ADAMTS6: variants seen among roughly 807,000 people sequenced by gnomAD.
The protein encoded by ADAMTS6 is A disintegrin and metalloproteinase with thrombospondin motifs 6.
In ADAMTS6, 23 loss-of-function variants were observed where a neutral mutation model predicts 144.3. The ratio of observed to expected loss-of-function variants is 0.16; its 90% CI spans 0.11 to 0.23. The LOEUF (loss-of-function observed/expected upper bound fraction) is 0.23, where lower values mean the gene tolerates loss of function less well. ADAMTS6 is among the 10% of genes least tolerant of loss of function. The probability of loss-of-function intolerance (pLI) is 1.00; values close to 1 mark genes in which losing one functional copy is unlikely to be tolerated. For synonymous variants in ADAMTS6, 444 were observed against 457.5 expected, an observed-to-expected ratio of 0.97 and a Z score of 0.38; for missense variants, 999 against 1,379.6, an observed-to-expected ratio of 0.72 and a Z score of 4.37.
chr5:65,357,355 T>C (rs1003821471), intron 7 of ADAMTS6, among the ~76,000 whole-genome samples: 2 of 151,642 alleles, frequency 1.3e-5, no homozygotes, highest in African/African-American at 4.8e-5. Flanking sequence ...ACTTATGGGA[T>C]GCACACTCTT....
chr5:65,267,281 A>T (rs1292893781), intron 12 of ADAMTS6, among the ~76,000 whole-genome samples: 1 of 152,076 alleles, frequency 6.6e-6, no homozygotes, highest in African/African-American at 2.4e-5. Context: ...GTGATTTTGG[A>T]CTATTCTAAA....
At chr5:65,309,488 G>A (rs1259170795) in intron 9 of ADAMTS6, among the ~76,000 whole-genome samples, 2 of 151,388 alleles carry the variant, frequency 1.3e-5, no homozygotes, top group East Asian at 2.0e-4. Flanking sequence ...GGGCAAAGGG[G>A]GCAGCTGTAA....
At position 65,302,092 on chromosome 5, in the gene ADAMTS6, CAAAAAAAA is replaced by C. The variant is rs1182825165; in HGVS notation, c.1224-1969_1224-1962del. On this transcript the variant is annotated intron_variant, in intron 9 of 24. Coordinates refer to ENST00000381055, the MANE Select transcript of ADAMTS6 (RefSeq NM_197941.4). ...GGGTAACAGAGCAAGGCTCTGTCTC[CAAAAAAAA>C]AAAAAAAATATATATATATATATAT... Among the ~76,000 whole-genome samples, 46 of 19,946 alleles carry C rather than the reference CAAAAAAAA, an allele frequency of 2.3e-3. 1 individual carries two copies. The highest frequency in any genetic ancestry group is 6.9e-3 in the African/African-American group (39 of 5,650). The allele number at this position is 19,946 out of a possible 152,430, so 13.1% of individuals were successfully genotyped here. A position where few individuals can be genotyped will look rare whatever the true frequency, so the allele number is the denominator to read the frequency against.
At chr5:65,275,089 C>T (rs1762353284) in intron 11 of ADAMTS6, among the ~76,000 whole-genome samples, 1 of 151,498 alleles carries the variant, frequency 6.6e-6, no homozygotes, top group South Asian at 2.1e-4. Context: ...GGCGCAGTGG[C>T]TGATGCCTGT....
At chr5:65,424,520 T>C (rs1756340769) in intron 7 of ADAMTS6, among the ~76,000 whole-genome samples, 1 of 152,202 alleles carries the variant, frequency 6.6e-6, no homozygotes, top group Non-Finnish European at 1.5e-5. Context: ...AGTAAATGGA[T>C]TGTACCTTTA....
intron 14 of ADAMTS6, among the ~76,000 whole-genome samples, chr5:65,249,152 A>G (rs1390908014): frequency 1.3e-5 from 2 of 152,062 alleles, no homozygotes; most frequent in African/African-American, 2.4e-5. Flanking sequence ...TTGCCTCTCT[A>G]AAAGTGATAA....
Position 65,391,830 on chromosome 5 carries a change from GATTCAAGCA to G in ADAMTS6, c.1074-57754_1074-57746del, listed in dbSNP as rs1752946119. ...GGCTCACTGCAACATCTGCCTCCCG[GATTCAAGCA>G]ATTCCCATGCCTCAGCCTCCCAAGT... On this transcript the variant is annotated intron_variant, in intron 7 of 24. Coordinates refer to ENST00000381055, the MANE Select transcript of ADAMTS6 (RefSeq NM_197941.4). Among the ~76,000 whole-genome samples the G allele has an allele frequency of 2.0e-5, 3 of 151,744 alleles. No individual in the cohort carries two copies. In the South Asian group the frequency reaches 6.3e-4, roughly 32 times the overall value.
intron 2 of ADAMTS6, among the ~76,000 whole-genome samples, chr5:65,472,365 G>T (rs1760521061): frequency 6.6e-6 from 1 of 151,956 alleles, no homozygotes; most frequent in Non-Finnish European, 1.5e-5. Flanking sequence ...TGATTATGTT[G>T]GCGATGACAC....
At position 65,452,760 on chromosome 5, in the gene ADAMTS6, C is replaced by G. The variant is rs143380335; in HGVS notation, c.790G>C (p.Gly264Arg). Reference protein sequence around the residue: ...TLVVADKMMVGYHGRKDIEHY... With the variant: ...TLVVADKMMVRYHGRKDIEHY... ...TCAATGTCTTTGCGGCCATGGTAGCCCACCATCATTTTGTCTGCCACTACC... is the reference window on the plus strand; with the variant it reads ...TCAATGTCTTTGCGGCCATGGTAGCGCACCATCATTTTGTCTGCCACTACC... The change falls in exon 5 of 25, where the codon GGC becomes CGC. Residue 264 changes from glycine (G) to arginine (R), a missense_variant. Transcript: ENST00000381055. The G allele has an allele frequency of 6.1e-5, 99 of 1,614,052 alleles. No individual in the cohort carries two copies. In the African/African-American group the frequency reaches 7.6e-4, roughly 12 times the overall value.
chr5:65,239,591 T>C (rs1758990991), intron 15 of ADAMTS6, among the ~76,000 whole-genome samples: 1 of 151,916 alleles, frequency 6.6e-6, no homozygotes, highest in South Asian at 2.1e-4. Flanking sequence ...CTTATATGGA[T>C]AAAAACACCA....
intron 14 of ADAMTS6, among the ~76,000 whole-genome samples, chr5:65,258,880 T>C (rs550863154): frequency 1.3e-5 from 2 of 152,258 alleles, no homozygotes; most frequent in African/African-American, 2.4e-5. Context: ...AAATATAAGA[T>C]ATGAACCTGG....
intron 20 of ADAMTS6, among the ~76,000 whole-genome samples, chr5:65,205,048 T>C (rs1310432048): frequency 6.6e-6 from 1 of 152,166 alleles, no homozygotes; most frequent in Admixed American, 6.5e-5. Flanking sequence ...GATAAGCACA[T>C]TTAGTTATAA....
chr5:65,328,441 A>G (rs1746389895), intron 9 of ADAMTS6, among the ~76,000 whole-genome samples: 1 of 152,148 alleles, frequency 6.6e-6, no homozygotes, highest in African/African-American at 2.4e-5. Context: ...ATGCTTGACT[A>G]ACATTTTAAA....
chr5:65,250,600 C>T (rs1760073717), intron 14 of ADAMTS6, among the ~76,000 whole-genome samples: 1 of 152,144 alleles, frequency 6.6e-6, no homozygotes, highest in Non-Finnish European at 1.5e-5. Context: ...ATTTTTATAG[C>T]TTTTATGCAT....
intron 11 of ADAMTS6, among the ~76,000 whole-genome samples, chr5:65,287,809 C>T (rs188985573): frequency 8.5e-5 from 13 of 152,204 alleles, no homozygotes; most frequent in South Asian, 2.1e-4. Flanking sequence ...GGATTACAGG[C>T]GTGAGCCACC....
chr5:65,309,123 G>A lies in ADAMTS6; in HGVS notation c.1224-8992C>T, dbSNP rs549386098. Reference sequence around the variant, plus strand: ...CACAGACCAGGGTGGGGTTGGTGGCGGGGGGGTGGTGGTTTCAGGGTGATT... The same window carrying A: ...CACAGACCAGGGTGGGGTTGGTGGCAGGGGGGTGGTGGTTTCAGGGTGATT... On this transcript the variant is annotated intron_variant, in intron 9 of 24. Transcript: ENST00000381055. 2.6e-4 allele frequency among the ~76,000 whole-genome samples: 39 copies of A among 152,056 alleles called. No homozygotes were observed. In the South Asian group the frequency reaches 4.4e-3, roughly 17 times the overall value.
chr5:65,382,500 T>A (rs1752128121), intron 7 of ADAMTS6, among the ~76,000 whole-genome samples: 1 of 152,262 alleles, frequency 6.6e-6, no homozygotes, highest in Non-Finnish European at 1.5e-5. Flanking sequence ...TGTATTGATG[T>A]TGAGCCATCA....
chr5:65,189,199 T>C (rs1483339726), intron 21 of ADAMTS6, among the ~76,000 whole-genome samples: 1 of 152,232 alleles, frequency 6.6e-6, no homozygotes, highest in Admixed American at 6.5e-5. Context: ...TCATAAACTT[T>C]CACATACATA....
chr5:65,261,590 T>C (rs77349946), intron 13 of ADAMTS6, among the ~76,000 whole-genome samples: 2,179 of 152,334 alleles, frequency 0.014, 54 homozygotes, highest in African/African-American at 0.05. Flanking sequence ...TCATTAAAGC[T>C]ACATTTTGAA....
Sources: allele counts gnomAD v4.1 joint callset (sites outside exome capture counted in the v4.1 genomes callset), GRCh38; gene constraint gnomAD v4.1.1; transcripts MANE v1.5; gene names NCBI Gene and HGNC (gene_info 2026-07-23, HGNC 2026-07-21).